The following COMMD1 variants were observed in gnomAD, a reference collection of about 807,000 sequenced individuals.
COMMD1 encodes COMM domain-containing protein 1.
In COMMD1, 10 loss-of-function variants were observed where a neutral mutation model predicts 17.2. The ratio of observed to expected loss-of-function variants is 0.58; its 90% confidence interval spans 0.36 to 0.99. COMMD1 has a LOEUF of 0.99. Ranked by LOEUF, COMMD1 falls within the 50% of genes least tolerant of loss-of-function variation. The pLI is 0.01. For missense variants in COMMD1, 270 were observed against 231.8 expected, an observed-to-expected ratio of 1.17 and a Z score of -1.07; for synonymous variants, 97 against 91.6, an observed-to-expected ratio of 1.06 and a Z score of -0.34.
chr2:62,005,695 A>G (rs1669092246), intron 2 of COMMD1, among the ~76,000 whole-genome samples: 1 of 152,150 alleles, frequency 6.6e-6, no homozygotes, highest in East Asian at 1.9e-4. Context: ...TCAGGAAACA[A>G]CAGGTGCTGG....
chr2:61,930,799 C>T (rs1390794784), intron 1 of COMMD1, among the ~76,000 whole-genome samples: 4 of 150,894 alleles, frequency 2.7e-5, no homozygotes, highest in African/African-American at 9.8e-5. Context: ...GCTGAGGCAA[C>T]TGAGGTAGTG....
intron 2 of COMMD1, among the ~76,000 whole-genome samples, chr2:62,036,137 C>T (rs1391188563): frequency 6.6e-6 from 1 of 151,524 alleles, no homozygotes; most frequent in Admixed American, 6.6e-5. Context: ...TTTTTTTCTT[C>T]TTGAGACAAC....
intron 1 of COMMD1, among the ~76,000 whole-genome samples, chr2:61,896,364 T>C (rs985711292): frequency 1.3e-5 from 2 of 151,998 alleles, no homozygotes; most frequent in Non-Finnish European, 2.9e-5. Context: ...GGCAGGAGAA[T>C]AGCTTGAGCC....
intron 1 of COMMD1, among the ~76,000 whole-genome samples, chr2:61,978,129 C>G (rs974259332): frequency 2.5e-4 from 38 of 152,156 alleles, no homozygotes; most frequent in African/African-American, 9.2e-4. Context: ...AACCCCACCT[C>G]TAAAAAAATA....
chr2:62,117,560 C>T (rs1464100296), intron 2 of COMMD1, among the ~76,000 whole-genome samples: 1 of 152,202 alleles, frequency 6.6e-6, no homozygotes, highest in Non-Finnish European at 1.5e-5. Context: ...GAACAAATTA[C>T]TCCTTATCTT....
At chr2:61,905,598 T>C, upstream of COMMD1, 1 of 1,387,450 alleles carries the variant, frequency 7.2e-7, no homozygotes, top group South Asian at 1.5e-5. Flanking sequence ...CCGTGGTGGT[T>C]TTGCACAGGC....
At chr2:61,888,627 C>A, upstream of COMMD1, 2 of 1,263,272 alleles carry the variant, frequency 1.6e-6, no homozygotes, top group Non-Finnish European at 2.1e-6. Flanking sequence ...AAAGCGGCGC[C>A]GGCGTCGGGA....
At chr2:62,028,700 G>T (rs1669838329) in intron 2 of COMMD1, among the ~76,000 whole-genome samples, 1 of 152,096 alleles carries the variant, frequency 6.6e-6, no homozygotes, top group Non-Finnish European at 1.5e-5. Context: ...TATTACAGTT[G>T]TCTTTAGTGA....
chr2:62,026,079 C>A (rs918229521), intron 2 of COMMD1, among the ~76,000 whole-genome samples: 34 of 152,054 alleles, frequency 2.2e-4, no homozygotes, highest in African/African-American at 7.7e-4. Context: ...GAAGGTAGAG[C>A]CAGAATTCAG....
chr2:61,964,476 A>T (rs1467160775), intron 1 of COMMD1, among the ~76,000 whole-genome samples: 7 of 152,140 alleles, frequency 4.6e-5, no homozygotes, highest in Admixed American at 4.6e-4. Flanking sequence ...GGCCTCCCAA[A>T]GTGCTGGGAT....
At chr2:61,944,900 A>G (rs1169658384) in intron 1 of COMMD1, among the ~76,000 whole-genome samples, 1 of 152,142 alleles carries the variant, frequency 6.6e-6, no homozygotes, top group African/African-American at 2.4e-5. Context: ...GGAAGAAAAG[A>G]CAAGGAAGCA....
At chr2:61,900,292 A>ACTT (rs1669631724) in intron 1 of COMMD1, among the ~76,000 whole-genome samples, 1 of 152,242 alleles carries the variant, frequency 6.6e-6, no homozygotes, top group African/African-American at 2.4e-5. Flanking sequence ...TGAAGTGGGG[A>ACTT]CTTACAAGTT....
At chr2:62,085,675 A>G (rs1200153002) in intron 2 of COMMD1, among the ~76,000 whole-genome samples, 1 of 152,060 alleles carries the variant, frequency 6.6e-6, no homozygotes, top group Non-Finnish European at 1.5e-5. Flanking sequence ...CCATGTCTCT[A>G]TAAAAAATTT....
At chr2:62,068,844 T>C (rs1013770102) in intron 2 of COMMD1, among the ~76,000 whole-genome samples, 1 of 151,952 alleles carries the variant, frequency 6.6e-6, no homozygotes, top group Non-Finnish European at 1.5e-5. Flanking sequence ...GGTTTCACCA[T>C]GTTAGCCAGA....
intron 1 of COMMD1, among the ~76,000 whole-genome samples, chr2:61,949,215 T>C (rs1007019647): frequency 1.3e-5 from 2 of 152,064 alleles, no homozygotes; most frequent in African/African-American, 4.8e-5. Context: ...TGGCAGAGCA[T>C]ATAGTCAGCA....
intron 2 of COMMD1, among the ~76,000 whole-genome samples, chr2:62,011,983 C>T (rs1042100548): frequency 6.6e-6 from 1 of 152,062 alleles, no homozygotes; most frequent in Non-Finnish European, 1.5e-5. Context: ...CGCAGTGACT[C>T]GTGCCTGTAA....
intron 1 of COMMD1, among the ~76,000 whole-genome samples, chr2:61,910,963 A>G (rs1001423124): frequency 5.3e-5 from 8 of 151,698 alleles, no homozygotes; most frequent in African/African-American, 1.7e-4. Context: ...CATGCCTGCA[A>G]TCCCAGCTAC....
At chr2:62,048,211 C>T (rs1223166383) in intron 2 of COMMD1, among the ~76,000 whole-genome samples, 2 of 132,640 alleles carry the variant, frequency 1.5e-5, no homozygotes, top group Non-Finnish European at 3.1e-5. Flanking sequence ...GAGATGGAGT[C>T]TCGCTCTGTC....
chr2:62,102,003 C>T (rs533861994), intron 2 of COMMD1, among the ~76,000 whole-genome samples: 1 of 152,184 alleles, frequency 6.6e-6, no homozygotes, highest in Non-Finnish European at 1.5e-5. Flanking sequence ...ATGCTTTGGT[C>T]TTTCTGACTA....
Sources: gnomAD v4.1 joint callset for allele counts (sites outside exome capture counted in the v4.1 genomes callset) on GRCh38, gnomAD v4.1.1 for gene constraint, MANE v1.5 for transcripts, NCBI Gene and HGNC (gene_info 2026-07-23, HGNC 2026-07-21) for gene names.